CDC23: variants seen among roughly 807,000 people sequenced by gnomAD.
The protein encoded by CDC23 is cell division cycle protein 23 homolog.
A neutral mutation model predicts 81.7 loss-of-function variants in CDC23; 26 were observed. That is an observed-to-expected ratio of 0.32 (90% CI 0.23 to 0.44). CDC23 has a LOEUF of 0.44. Among genes scored for constraint, CDC23 ranks in the 20% least tolerant of loss-of-function variants. The pLI is 1.00. For synonymous variants in CDC23, 267 were observed against 270.8 expected (o/e 0.99, Z 0.14); for missense variants, 519 against 728.0 (o/e 0.71, Z 3.30).
Position 138,198,680 on chromosome 5 carries a change from T to A in CDC23, c.757A>T (p.Asn253Tyr). 6.2e-7 allele frequency: 1 copy of A among 1,614,182 alleles called. No homozygotes were observed. The change falls in exon 7 of 16, where the codon AAT (asparagine) becomes TAT (tyrosine). Residue 253 changes from asparagine (N) to tyrosine (Y), a missense_variant. Physicochemically the swap from Asn to Tyr is moderately radical, Grantham distance 143. Coordinates refer to ENST00000394886, the MANE Select transcript of CDC23 (RefSeq NM_004661.4). ...LIEEALQKYQ[N>Y]LIDVGFSKSS... is the part of the protein sequence containing the mutation. Reference sequence around the variant, plus strand: ...TTAGAGAAGCCCACATCAATGAGATTCTGATACTTTTGCAGGGCCTCCTCT... The same window carrying A: ...TTAGAGAAGCCCACATCAATGAGATACTGATACTTTTGCAGGGCCTCCTCT...
rs2231471 is a variant in CDC23, at chr5:138,213,287, G to T, written c.26C>A (p.Pro9Gln). 9 of 1,613,984 alleles carry T rather than the reference G, an allele frequency of 5.6e-6. No individual in the cohort carries two copies. The Admixed American group carries it at 8.3e-5, about 15-fold the overall frequency. Residue 9 changes from proline (P) to glutamine (Q), a missense_variant, in exon 1 of 16, where the codon CCG becomes CAG. This residue lies in a region of CDC23 where 126 missense variants were observed against 116.2 expected (regional missense o/e 1.08). Coordinates refer to ENST00000394886, the MANE Select transcript of CDC23 (RefSeq NM_004661.4). MAASTSMV[P>Q]VAVTAAVAPV... Reference sequence around the variant, plus strand: ...CGCCACTGCCGCCGTCACAGCCACCGGGACCATGGAGGTACTCGCAGCCAT... The same window carrying T: ...CGCCACTGCCGCCGTCACAGCCACCTGGACCATGGAGGTACTCGCAGCCAT...
intron 3 of CDC23, among the ~76,000 whole-genome samples, chr5:138,204,742 C>T (rs1460895353): frequency 6.6e-6 from 1 of 151,386 alleles, no homozygotes; most frequent in Admixed American, 6.6e-5. Flanking sequence ...GCCTCAGCCT[C>T]CCGAGTAGCT....
chr5:138,211,009 A>G (rs1755106286), intron 2 of CDC23, among the ~76,000 whole-genome samples: 1 of 152,190 alleles, frequency 6.6e-6, no homozygotes, highest in African/African-American at 2.4e-5. Flanking sequence ...CAGCAATCCC[A>G]TTACTGGGTA....
chr5:138,191,818 C>G (rs780875301), intron 12 of CDC23, 44 bp downstream of exon 12: 1 of 1,455,368 alleles, frequency 6.9e-7, no homozygotes. Flanking sequence ...TTCATCTAAA[C>G]AGCAGATTTC....
chr5:138,210,603 A>G (rs1399360547), intron 2 of CDC23, among the ~76,000 whole-genome samples: 3 of 152,236 alleles, frequency 2.0e-5, no homozygotes, highest in Non-Finnish European at 1.5e-5. Context: ...AGATCAAAAC[A>G]TTACTCTGGG....
chr5:138,195,987 T>C (rs1335591135), intron 9 of CDC23, among the ~76,000 whole-genome samples: 1 of 150,882 alleles, frequency 6.6e-6, no homozygotes, highest in Non-Finnish European at 1.5e-5. Flanking sequence ...TAAGATTGTC[T>C]CATTCTCTCA....
chr5:138,212,898 G>T, intron 2 of CDC23, 93 bp downstream of exon 2: 2 of 945,836 alleles, frequency 2.1e-6, no homozygotes, highest in South Asian at 2.6e-5. Flanking sequence ...TTTCTGCTAA[G>T]CAGTTTGCTC....
At chr5:138,193,993 G>A (rs2967782) in intron 9 of CDC23, among the ~76,000 whole-genome samples, 1 of 151,218 alleles carries the variant, frequency 6.6e-6, no homozygotes, top group Admixed American at 6.6e-5. Context: ...CTAAGTTTCC[G>A]TCTCACACAA....
At chr5:138,200,421 C>T (rs1427248000) in intron 6 of CDC23, among the ~76,000 whole-genome samples, 1 of 152,092 alleles carries the variant, frequency 6.6e-6, no homozygotes, top group Non-Finnish European at 1.5e-5. Flanking sequence ...CATGAGCCAC[C>T]GTGCCTGGCC....
In CDC23 at chr5:138,202,270, T is replaced by C. The variant is rs1265725649; in HGVS notation, c.373-115A>G. ...AGTTCAACCAAAATGGCATCGACTT[T>C]TGGTCATTATTTATTTATTTATTTA... On this transcript the variant is annotated intron_variant, in intron 3 of 15. Coordinates refer to ENST00000394886, the MANE Select transcript of CDC23 (RefSeq NM_004661.4). 1.0e-5 allele frequency: 7 copies of C among 677,060 alleles called. No homozygotes were observed. In the East Asian group the frequency reaches 2.0e-4, roughly 19 times the overall value. The allele number at this position is 677,060 out of a possible 1,614,324, so 41.9% of individuals were successfully genotyped here.
At chr5:138,189,537 G>C in intron 15 of CDC23, 96 bp downstream of exon 15, 3 of 1,215,364 alleles carry the variant, frequency 2.5e-6, no homozygotes, top group Non-Finnish European at 3.5e-6. Context: ...GGGATTATAG[G>C]TGTGAGCCGC....
intron 3 of CDC23, among the ~76,000 whole-genome samples, chr5:138,205,482 G>C (rs1031833727): frequency 3.9e-5 from 6 of 152,168 alleles, no homozygotes; most frequent in African/African-American, 1.2e-4. Context: ...ACTTAGAGTA[G>C]TCCAGATCAT....
Position 138,198,155 on chromosome 5 carries a change from T to A in CDC23, c.1012+44A>T, listed in dbSNP as rs759401475. The A allele has an allele frequency of 2.2e-6, 3 of 1,384,520 alleles. No individual in the cohort carries two copies. The South Asian group carries it at 3.6e-5, about 17-fold the overall frequency. 85.8% of individuals were successfully genotyped at this position (1,384,520 alleles called of 1,614,324 possible). Reference sequence around the variant, plus strand: ...TGGTTATTTTCACATGTGTTACTTATAATAAATATAAATCTTAAAAGAAAA... The same window carrying A: ...TGGTTATTTTCACATGTGTTACTTAAAATAAATATAAATCTTAAAAGAAAA... On this transcript the variant is annotated intron_variant, in intron 9 of 15. Transcript: ENST00000394886.
Position 138,192,674 on chromosome 5 carries a change from C to CA in CDC23, c.1013-18dup, listed in dbSNP as rs762090418. On this transcript the variant is annotated splice_polypyrimidine_tract_variant and intron_variant, in intron 9 of 15. Coordinates refer to ENST00000394886, the MANE Select transcript of CDC23 (RefSeq NM_004661.4). ...AATAATTGCCTGATTAAAAATCAAA[C>CA]AAAAAAATGAATAATCAGAAAGGTA... 4 of 1,590,550 alleles carry CA rather than the reference C, an allele frequency of 2.5e-6. No homozygotes were observed. Among genetic ancestry groups the CA allele is most frequent in the South Asian group, 1.1e-5 (1 of 86,994 alleles).
chr5:138,206,378 A>G (rs1315887202), intron 3 of CDC23, 169 bp downstream of exon 3: 2 of 682,616 alleles, frequency 2.9e-6, no homozygotes, highest in African/African-American at 1.8e-5. Context: ...TTTCTTCTCT[A>G]CCATCCTTTT....
In CDC23 at chr5:138,192,346, A is replaced by G; in HGVS notation, c.1209T>C (p.Tyr403=). 1 of 1,614,264 alleles carries G rather than the reference A, an allele frequency of 6.2e-7. No individual in the cohort carries two copies. The highest frequency in any genetic ancestry group is 1.1e-5 in the South Asian group (1 of 91,090). Residue 403 remains tyrosine (Y), a synonymous_variant, in exon 11 of 16, where the codon TAT becomes TAC. Transcript: ENST00000394886. ...GGATTTCATAGGTCTGCCCGAGGCC[A>G]TACCAAGCTCTGTAGTCCCGTTTGT... The part of the protein sequence containing the change: ...EVNKRDYRAW[Y]GLGQTYEILK...
intron 3 of CDC23, chr5:138,206,144 C>T (rs1755045469): frequency 4.2e-6 from 1 of 240,728 alleles, no homozygotes; most frequent in Non-Finnish European, 7.9e-6. Flanking sequence ...AGTTGGTTTA[C>T]TTGCATTGTC....
intron 9 of CDC23, among the ~76,000 whole-genome samples, chr5:138,193,665 A>T (rs1754850832): frequency 6.6e-6 from 1 of 151,802 alleles, no homozygotes; most frequent in South Asian, 2.1e-4. Flanking sequence ...AGGGTTAAAA[A>T]GGTAGCATTC....
intron 2 of CDC23, among the ~76,000 whole-genome samples, chr5:138,210,500 T>C (rs1258301226): frequency 6.6e-6 from 1 of 152,164 alleles, no homozygotes; most frequent in Non-Finnish European, 1.5e-5. Flanking sequence ...CATTCCAGCC[T>C]GGGTGACAGA....
Sources: allele counts gnomAD v4.1 joint callset (sites outside exome capture counted in the v4.1 genomes callset), GRCh38; gene constraint gnomAD v4.1.1; regional missense constraint gnomAD v4.1.1; transcripts MANE v1.5; gene names NCBI Gene and HGNC (gene_info 2026-07-23, HGNC 2026-07-21).